The following HLTF variants were observed in gnomAD, a reference collection of about 807,000 sequenced individuals.
HLTF encodes the protein DNA-dependent ATPase/E3 ubiquitin-protein ligase HLTF.
In HLTF, 127 loss-of-function variants were observed where a neutral mutation model predicts 129.4. The ratio of observed to expected loss-of-function variants is 0.98; its 90% CI spans 0.85 to 1.14. The LOEUF (loss-of-function observed/expected upper bound fraction) is 1.14, where lower values mean the gene tolerates loss of function less well. HLTF is among the 50% of genes most tolerant of loss of function. The probability of loss-of-function intolerance (pLI) is 0.00; values close to 1 mark genes in which losing one functional copy is unlikely to be tolerated. For synonymous variants in HLTF, 332 were observed against 388.8 expected (o/e 0.85, Z 1.72); for missense variants, 1,139 against 1,187.1 (o/e 0.96, Z 0.60).
chr3:149,067,492 C>T (rs1001832107), intron 8 of HLTF, among the ~76,000 whole-genome samples: 2 of 151,928 alleles, frequency 1.3e-5, no homozygotes, highest in Non-Finnish European at 2.9e-5. Flanking sequence ...TTCAAATTGT[C>T]CACCTTTATT....
intron 17 of HLTF, among the ~76,000 whole-genome samples, chr3:149,047,821 C>T (rs766410203): frequency 1.3e-5 from 2 of 152,038 alleles, no homozygotes; most frequent in African/African-American, 2.4e-5. Context: ...TTAGCCACAA[C>T]AGGGGAAGGG....
intron 3 of HLTF, among the ~76,000 whole-genome samples, chr3:149,075,594 C>T (rs1400137513): frequency 6.6e-6 from 1 of 152,126 alleles, no homozygotes; most frequent in Non-Finnish European, 1.5e-5. Context: ...AATTCCTAAA[C>T]CTAGGTACCA....
chr3:149,049,228 G>A (rs1716793774), intron 15 of HLTF, among the ~76,000 whole-genome samples: 1 of 152,160 alleles, frequency 6.6e-6, no homozygotes, highest in South Asian at 2.1e-4. Flanking sequence ...TGCTAAGTAA[G>A]TATGTTACCC....
At chr3:149,077,263 TAAA>T (rs1186698560) in intron 2 of HLTF, among the ~76,000 whole-genome samples, 27 of 149,178 alleles carry the variant, frequency 1.8e-4, no homozygotes, top group Admixed American at 8.1e-4. Context: ...AATAAATAAA[TAAA>T]TAAATAAATA....
intron 2 of HLTF, among the ~76,000 whole-genome samples, chr3:149,081,241 A>G (rs1719839101): frequency 6.6e-6 from 1 of 151,010 alleles, no homozygotes; most frequent in Non-Finnish European, 1.5e-5. Context: ...AATAAACTTA[A>G]CCATATGCTT....
chr3:149,056,842 G>C (rs1471351181), intron 13 of HLTF, among the ~76,000 whole-genome samples: 1 of 152,178 alleles, frequency 6.6e-6, no homozygotes, highest in Non-Finnish European at 1.5e-5. Context: ...GGGCGCGGTG[G>C]CTCACGCCTG....
At chr3:149,038,635 T>C (rs1488245957) in intron 23 of HLTF, among the ~76,000 whole-genome samples, 2 of 152,288 alleles carry the variant, frequency 1.3e-5, no homozygotes, top group Non-Finnish European at 2.9e-5. Context: ...GCCCTGCAAG[T>C]AGCTGGGACT....
chr3:149,066,032 T>C (rs1386044915), intron 8 of HLTF, among the ~76,000 whole-genome samples: 5 of 151,930 alleles, frequency 3.3e-5, no homozygotes, highest in South Asian at 2.1e-4. Context: ...ATAAAGGATG[T>C]CCTTTGCATT....
At chr3:149,053,486 G>A (rs1717168554) in intron 14 of HLTF, among the ~76,000 whole-genome samples, 1 of 152,188 alleles carries the variant, frequency 6.6e-6, no homozygotes, top group East Asian at 1.9e-4. Flanking sequence ...CTGAGGCTGT[G>A]TAAGCTTCCT....
intron 14 of HLTF, among the ~76,000 whole-genome samples, chr3:149,053,280 G>A (rs1717152500): frequency 6.6e-6 from 1 of 152,182 alleles, no homozygotes; most frequent in African/African-American, 2.4e-5. Context: ...GGAGGTGGAA[G>A]GTGTATGGCT....
intron 18 of HLTF, among the ~76,000 whole-genome samples, chr3:149,043,945 T>C (rs1716333262): frequency 6.6e-6 from 1 of 152,180 alleles, no homozygotes; most frequent in African/African-American, 2.4e-5. Context: ...TACATGAATC[T>C]GTTGCTAGTA....
Position 149,042,037 on chromosome 3 carries a change from T to A in HLTF, c.2197+129A>T. On this transcript the variant is annotated intron_variant, in intron 19 of 24. Transcript: ENST00000310053. ...TATTGGATGTATTCCTAGCTGAGTC[T>A]CACACTAAAAGCAATCTCCATTTGA... The A allele has an allele frequency of 3.8e-6, 3 of 780,126 alleles. No homozygotes were observed. In the South Asian group the frequency reaches 5.5e-5, roughly 14 times the overall value. The allele number at this position is 780,126 out of a possible 1,614,324, so 48.3% of individuals were successfully genotyped here.
chr3:149,053,066 C>G (rs1319054235), intron 14 of HLTF, among the ~76,000 whole-genome samples: 1 of 152,126 alleles, frequency 6.6e-6, no homozygotes, highest in Non-Finnish European at 1.5e-5. Context: ...TATTCCTTTA[C>G]CTGGATTATT....
chr3:149,068,903 A>G (rs935055169), intron 7 of HLTF, among the ~76,000 whole-genome samples: 2 of 152,206 alleles, frequency 1.3e-5, no homozygotes, highest in African/African-American at 2.4e-5. Context: ...AGCAGTGTAA[A>G]TAACAGCAGT....
chr3:149,068,377 C>A, intron 7 of HLTF, 42 bp from the exon 8 acceptor site: 1 of 889,928 alleles, frequency 1.1e-6, no homozygotes, highest in Non-Finnish European at 1.8e-6. Context: ...GATTGTGAAA[C>A]CCAGTTCACC....
chr3:149,076,577 T>C (rs1359970343), intron 2 of HLTF, among the ~76,000 whole-genome samples: 2 of 152,284 alleles, frequency 1.3e-5, no homozygotes, highest in Non-Finnish European at 2.9e-5. Flanking sequence ...GCCTCAATTC[T>C]CCAGAATATA....
chr3:149,065,799 CCTCT>C (rs1054065569), intron 8 of HLTF, among the ~76,000 whole-genome samples: 4 of 152,016 alleles, frequency 2.6e-5, no homozygotes, highest in African/African-American at 4.8e-5. Flanking sequence ...CACTGCACTC[CCTCT>C]GTCTCAAAAA....
Position 149,041,542 on chromosome 3 carries a change from C to T in HLTF, c.2324G>A (p.Cys775Tyr), listed in dbSNP as rs1185424493. Residue 775 changes from cysteine to tyrosine, a missense_variant, in exon 20 of 25, where the codon TGT becomes TAT. Cys to Tyr is a radical substitution (Grantham distance 194). Coordinates refer to ENST00000310053, the MANE Select transcript of HLTF (RefSeq NM_003071.4). ...ACAGGGTTTACAAAATACATGTGCA[C>T]AATGTGTTATCACAGGAACTGTTAA... is the stretch of plus-strand genomic sequence containing the variant. ...DSLTVPVITH[C>Y]AHVFCKPCIC... 1 of 1,613,322 alleles carries T rather than the reference C, an allele frequency of 6.2e-7. No individual in the cohort carries two copies.
intron 3 of HLTF, among the ~76,000 whole-genome samples, chr3:149,075,082 C>G (rs1719230794): frequency 6.6e-6 from 1 of 152,058 alleles, no homozygotes; most frequent in South Asian, 2.1e-4. Context: ...TCCCACTTGT[C>G]AAGAGAAAAA....
Sources: gnomAD v4.1 joint callset for allele counts (sites outside exome capture counted in the v4.1 genomes callset) on GRCh38, gnomAD v4.1.1 for gene constraint, MANE v1.5 for transcripts, NCBI Gene and HGNC (gene_info 2026-07-23, HGNC 2026-07-21) for gene names.